P2RY12: variants seen among roughly 807,000 people sequenced by gnomAD.
P2RY12 encodes purinergic receptor P2Y12.
P2RY12 carries 3 observed loss-of-function variants against 4.5 expected under a neutral mutation model. That is an observed-to-expected ratio of 0.67 (90% CI 0.31 to 1.74). The LOEUF is 1.74. P2RY12 is among the 40% of genes most tolerant of loss of function. P2RY12 has a pLI of 0.09. For missense variants in P2RY12, 356 were observed against 407.8 expected (o/e 0.87, Z 1.09); for synonymous variants, 148 against 154.1 (o/e 0.96, Z 0.29).
chr3:151,338,019 A>G lies in P2RY12; in HGVS notation c.827T>C (p.Leu276Pro). The change falls in exon 3 of 3, where the codon CTG becomes CCG. Residue 276 changes from leucine to proline, a missense_variant. By Grantham distance (98) the Leu-to-Pro change is moderately conservative. Transcript: ENST00000302632. ...CAGAGTGCTCTCTTTCACATAGAAC[A>G]GAGTATTTTCAGCAGTGCAGTCAAA... Reference protein sequence around the residue: ...DVFDCTAENTLFYVKESTLWL... With the variant: ...DVFDCTAENTPFYVKESTLWL... 6.2e-7 allele frequency: 1 copy of G among 1,614,144 alleles called. No homozygotes were observed. The highest frequency in any genetic ancestry group is 1.1e-5 in the South Asian group (1 of 91,076).
chr3:151,367,882 G>A (rs928780195), intron 1 of P2RY12: 4 of 1,190,952 alleles, frequency 3.4e-6, no homozygotes, highest in African/African-American at 3.1e-5. Flanking sequence ...GGGAAGTGGT[G>A]TAGTATCAAG....
chr3:151,362,340 C>T (rs1754714469), intron 1 of P2RY12, among the ~76,000 whole-genome samples: 1 of 152,062 alleles, frequency 6.6e-6, no homozygotes, highest in Non-Finnish European at 1.5e-5. Context: ...TGCAGGGTCC[C>T]ATCTTCTCTT....
chr3:151,352,087 G>A (rs1172886789), intron 1 of P2RY12, among the ~76,000 whole-genome samples: 1 of 152,162 alleles, frequency 6.6e-6, no homozygotes, highest in Non-Finnish European at 1.5e-5. Flanking sequence ...TGAGACCCAA[G>A]TCTAAACATG....
At chr3:151,345,507 T>TC in intron 1 of P2RY12, among the ~76,000 whole-genome samples, 1 of 144,714 alleles carries the variant, frequency 6.9e-6, no homozygotes, top group East Asian at 2.0e-4. Context: ...TTTCTTTCTT[T>TC]TTTCTTTTTC....
At chr3:151,368,719 C>T (rs376882712) in intron 1 of P2RY12, among the ~76,000 whole-genome samples, 19 of 62,184 alleles carry the variant, frequency 3.1e-4, no homozygotes, top group South Asian at 2.6e-3. Flanking sequence ...CATTTCATTT[C>T]ATTTCATTTC....
At position 151,338,753 on chromosome 3, in the gene P2RY12, G is replaced by A; in HGVS notation, c.93C>T (p.Leu31=). 6.2e-7 allele frequency: 1 copy of A among 1,613,916 alleles called. No individual in the cohort carries two copies. The highest frequency in any genetic ancestry group is 1.3e-5 in the African/African-American group (1 of 75,034). Reference sequence around the variant, plus strand: ...GTCCAACAAAAAACAGGACAGTGTAGAGCAGTGGGAAGAGGACCTGGGTGA... The same window carrying A: ...GTCCAACAAAAAACAGGACAGTGTAAAGCAGTGGGAAGAGGACCTGGGTGA... ...YKITQVLFPL[L]YTVLFFVGLI... The change falls in exon 3 of 3, where the codon CTC becomes CTT. Residue 31 remains leucine, a synonymous_variant. Coordinates refer to ENST00000302632, the MANE Select transcript of P2RY12 (RefSeq NM_022788.5).
chr3:151,352,164 G>A (rs1195563809), intron 1 of P2RY12, among the ~76,000 whole-genome samples: 1 of 152,024 alleles, frequency 6.6e-6, no homozygotes, highest in Non-Finnish European at 1.5e-5. Flanking sequence ...TTTCTCTTGG[G>A]GATGCTTAAT....
At chr3:151,366,041 G>C in intron 1 of P2RY12, 1 of 1,384,546 alleles carries the variant, frequency 7.2e-7, no homozygotes, top group Non-Finnish European at 9.6e-7. Context: ...TAAATATTTA[G>C]TTAGTGGGTA....
chr3:151,350,258 C>T, intron 1 of P2RY12: 1 of 1,577,288 alleles, frequency 6.3e-7, no homozygotes, highest in Non-Finnish European at 8.7e-7. Context: ...TGCCTTCCCT[C>T]TGAGCACAGT....
At chr3:151,348,843 C>T (rs1445269434) in intron 1 of P2RY12, among the ~76,000 whole-genome samples, 1 of 152,158 alleles carries the variant, frequency 6.6e-6, no homozygotes, top group Non-Finnish European at 1.5e-5. Context: ...GTGCAGAGTA[C>T]ACATGTGAAG....
In P2RY12 at chr3:151,338,794, T is replaced by G. The variant is rs1316277822; in HGVS notation, c.52A>C (p.Thr18Pro). ...TSAPGNTSLC[T>P]RDYKITQVLF... ...ACCTGGGTGATTTTGTAGTCTCTGG[T>G]GCACAGACTGGTGTTACCAGGCGCA... Residue 18 changes from threonine (T) to proline (P), a missense_variant, in exon 3 of 3, where the codon ACC becomes CCC. Transcript: ENST00000302632. 6.2e-7 allele frequency: 1 copy of G among 1,613,914 alleles called. No individual in the cohort carries two copies. Among genetic ancestry groups the G allele is most frequent in the Admixed American group, 1.7e-5 (1 of 59,964 alleles).
Position 151,338,747 on chromosome 3 carries a change from A to G in P2RY12, c.99T>C (p.Thr33=). The G allele has an allele frequency of 1.2e-6, 2 of 1,613,748 alleles. No homozygotes were observed. The highest frequency in any genetic ancestry group is 1.1e-5 in the South Asian group (1 of 91,054). The change falls in exon 3 of 3, where the codon ACT becomes ACC. Residue 33 remains threonine, a synonymous_variant. Transcript: ENST00000302632. ...TGATAAGTCCAACAAAAAACAGGAC[A>G]GTGTAGAGCAGTGGGAAGAGGACCT... The part of the protein sequence containing the change: ...ITQVLFPLLY[T]VLFFVGLITN...
chr3:151,375,766 T>A (rs552468358), intron 1 of P2RY12, among the ~76,000 whole-genome samples: 35 of 152,270 alleles, frequency 2.3e-4, no homozygotes, highest in African/African-American at 8.4e-4. Flanking sequence ...GTTAAAAACA[T>A]ACTAATATTC....
At chr3:151,358,321 G>A (rs6766699) in intron 1 of P2RY12, among the ~76,000 whole-genome samples, 146,597 of 152,206 alleles carry the variant, frequency 0.96, 70,657 homozygotes, top group Middle Eastern at 1. Context: ...TAATAACTCA[G>A]CTACTGTATA....
intron 1 of P2RY12, among the ~76,000 whole-genome samples, chr3:151,379,039 G>A (rs1711728497): frequency 6.6e-6 from 1 of 152,340 alleles, no homozygotes; most frequent in Middle Eastern, 3.4e-3. Flanking sequence ...TAAAGCCTGG[G>A]TTTAAATCCA....
At chr3:151,383,707 G>T in intron 1 of P2RY12, 1 of 911,756 alleles carries the variant, frequency 1.1e-6, no homozygotes, top group South Asian at 1.6e-5. Context: ...ATCAAAATTT[G>T]ATAACATAAA....
chr3:151,368,596 TTTTA>T (rs1158442858), intron 1 of P2RY12, among the ~76,000 whole-genome samples: 2 of 52,742 alleles, frequency 3.8e-5, no homozygotes, highest in Non-Finnish European at 6.9e-5. Context: ...ATTTATTTTA[TTTTA>T]TTTTATTTTA....
At chr3:151,352,851 A>C (rs1372179425) in intron 1 of P2RY12, among the ~76,000 whole-genome samples, 2 of 152,204 alleles carry the variant, frequency 1.3e-5, no homozygotes, top group Non-Finnish European at 2.9e-5. Context: ...TCAGGACTTA[A>C]AGATTTTTAA....
At chr3:151,378,192 C>G in intron 1 of P2RY12, 1 of 1,582,474 alleles carries the variant, frequency 6.3e-7, no homozygotes, top group East Asian at 2.3e-5. Context: ...GGAAGATGGG[C>G]GTCTGTGTGA....
Sources: gnomAD v4.1 joint callset for allele counts (sites outside exome capture counted in the v4.1 genomes callset) on GRCh38, gnomAD v4.1.1 for gene constraint, MANE v1.5 for transcripts, NCBI Gene and HGNC (gene_info 2026-07-23, HGNC 2026-07-21) for gene names.